The following APOLD1 variants were observed in gnomAD, a reference collection of about 807,000 sequenced individuals.
APOLD1 encodes the protein apolipoprotein L domain containing 1.
Under a neutral mutation model 15.3 loss-of-function variants are expected in APOLD1, and 22 were observed. The ratio of observed to expected loss-of-function variants is 1.44; its 90% CI spans 1.03 to 2.05. The LOEUF is 2.05. APOLD1 is among the 30% of genes most tolerant of loss of function. The pLI is 0.00. For synonymous variants in APOLD1, 190 were observed against 167.4 expected (o/e 1.13, Z -1.04); for missense variants, 394 against 353.5 (o/e 1.11, Z -0.92).
chr12:12,770,225 T>C (rs759855860), intron 1 of APOLD1, among the ~76,000 whole-genome samples: 19 of 152,166 alleles, frequency 1.2e-4, no homozygotes, highest in Admixed American at 3.9e-4. Context: ...ACAAGCATGG[T>C]GAAACCTCGT....
At chr12:12,776,417 A>G (rs927097467) in intron 1 of APOLD1, among the ~76,000 whole-genome samples, 2 of 152,224 alleles carry the variant, frequency 1.3e-5, no homozygotes, top group Non-Finnish European at 2.9e-5. Context: ...AGTATCCTGG[A>G]AGATAAGAGA....
chr12:12,786,988 G>C lies in APOLD1; in HGVS notation c.83G>C (p.Arg28Pro). Residue 28 changes from arginine (R) to proline (P), a missense_variant, in exon 2 of 2, where the codon CGA becomes CCA. Coordinates refer to ENST00000356591, the MANE Select transcript of APOLD1 (RefSeq NM_030817.3). ...RRFQGLLLDR[R>P]GRLHGQVLRL... is the part of the protein sequence containing the mutation. ...TTCCAGGGACTGCTGCTGGACCGCC[G>C]AGGCCGGCTGCACGGCCAGGTGCTG... The C allele has an allele frequency of 7.0e-7, 1 of 1,424,758 alleles. No individual in the cohort carries two copies. Among genetic ancestry groups the C allele is most frequent in the African/African-American group, 1.5e-5 (1 of 66,564 alleles). 88.3% of individuals were successfully genotyped at this position (1,424,758 alleles called of 1,614,324 possible). A position where few individuals can be genotyped will look rare whatever the true frequency, so the allele number is the denominator to read the frequency against.
intron 1 of APOLD1, among the ~76,000 whole-genome samples, chr12:12,777,889 G>GTTTTTTTTTTTT (rs71436735): frequency 1.1e-4 from 13 of 117,112 alleles, no homozygotes; most frequent in South Asian, 2.9e-4. Flanking sequence ...AAGGAAAGGT[G>GTTTTTTTTTTTT]TTTTTTTTTT....
At chr12:12,745,429 C>A (rs931513785) in intron 1 of APOLD1, among the ~76,000 whole-genome samples, 1 of 152,040 alleles carries the variant, frequency 6.6e-6, no homozygotes, top group Non-Finnish European at 1.5e-5. Flanking sequence ...ACTCTGGAGG[C>A]TGAGGCTGGA....
In APOLD1 at chr12:12,787,275, G is replaced by A. The variant is rs993386959; in HGVS notation, c.370G>A (p.Ala124Thr). 5 of 1,599,366 alleles carry A rather than the reference G, an allele frequency of 3.1e-6. No individual in the cohort carries two copies. Among genetic ancestry groups the A allele is most frequent in the Non-Finnish European group, 3.4e-6 (4 of 1,173,920 alleles). ...SRELRRVQEI[A>T]ATCQDQMREI... The stretch of plus-strand genomic sequence containing the variant: ...GGAGCTGCGGAGGGTGCAGGAGATC[G>A]CGGCCACCTGCCAGGACCAGATGCG... Residue 124 changes from alanine (A) to threonine (T), a missense_variant, in exon 2 of 2, where the codon GCG becomes ACG. By Grantham distance (58) the Ala-to-Thr change is moderately conservative. Coordinates refer to ENST00000356591, the MANE Select transcript of APOLD1 (RefSeq NM_030817.3). The surrounding 1 kb of genome is among the most constrained non-coding windows in gnomAD (Gnocchi z 4.9).
At chr12:12,763,558 A>G (rs1946919885) in intron 1 of APOLD1, among the ~76,000 whole-genome samples, 1 of 152,194 alleles carries the variant, frequency 6.6e-6, no homozygotes, top group African/African-American at 2.4e-5. Context: ...AATACAAATA[A>G]AAAGCAATGA....
upstream of APOLD1, among the ~76,000 whole-genome samples, chr12:12,782,153 G>A (rs2136398840): frequency 6.6e-6 from 1 of 152,210 alleles, no homozygotes; most frequent in East Asian, 1.9e-4. Context: ...CAGCTACTTG[G>A]GAGGCTGAGG....
chr12:12,761,830 T>TAGAGAGAGAGAGAGAGAG (rs6144616), intron 1 of APOLD1, among the ~76,000 whole-genome samples: 4,052 of 114,442 alleles, frequency 0.035, 231 homozygotes, highest in East Asian at 0.084. Context: ...TGTATATGTA[T>TAGAGAGAGAGAGAGAGAG]AGAGAGAGAG....
chr12:12,753,999 G>C (rs1317272480), intron 1 of APOLD1, among the ~76,000 whole-genome samples: 1 of 151,730 alleles, frequency 6.6e-6, no homozygotes, highest in African/African-American at 2.4e-5. Context: ...CGGATCACCT[G>C]AGGTCAGGAG....
At chr12:12,744,785 GTC>G (rs1186936705) in intron 1 of APOLD1, among the ~76,000 whole-genome samples, 2 of 152,138 alleles carry the variant, frequency 1.3e-5, no homozygotes, top group Non-Finnish European at 2.9e-5. Context: ...CTCAGTGTCT[GTC>G]TGGCTCCTGG....
chr12:12,780,138 A>G (rs1322756933), intron 1 of APOLD1, among the ~76,000 whole-genome samples: 1 of 152,196 alleles, frequency 6.6e-6, no homozygotes, highest in East Asian at 1.9e-4. Flanking sequence ...GTTAAATTCA[A>G]CAAGCAACTA....
At chr12:12,777,415 C>T (rs1034313254) in intron 1 of APOLD1, among the ~76,000 whole-genome samples, 1 of 152,174 alleles carries the variant, frequency 6.6e-6, no homozygotes, top group Non-Finnish European at 1.5e-5. Context: ...CTTTAGAACT[C>T]CATGGTCCTT....
chr12:12,774,216 A>C (rs1305259069), intron 1 of APOLD1, among the ~76,000 whole-genome samples: 3 of 152,186 alleles, frequency 2.0e-5, no homozygotes, highest in African/African-American at 7.2e-5. Context: ...GTTATCCAAA[A>C]TATACAAAGA....
In APOLD1 at chr12:12,768,421, C is replaced by A. The variant is rs993700352; in HGVS notation, c.97-18488C>A. 2.9e-4 allele frequency among the ~76,000 whole-genome samples: 44 copies of A among 152,004 alleles called. No homozygotes were observed. The Middle Eastern group carries it at 0.014, about 47-fold the overall frequency. On this transcript the variant is annotated intron_variant, in intron 1 of 1. Transcript: ENST00000326765. ...GCTGAGGCAGGAAGATCATTTGAGT[C>A]CAGGAGTTCGAGACCAGACTGGGAA...
At chr12:12,785,491 C>T (rs552617571), upstream of APOLD1, 17 of 724,174 alleles carry the variant, frequency 2.3e-5, no homozygotes, top group South Asian at 2.7e-4. Flanking sequence ...TTCCTAAATA[C>T]GGGATGTGCT....
chr12:12,726,012 G>T (rs1314779928), exon 1 of APOLD1: 10 of 1,519,992 alleles, frequency 6.6e-6, no homozygotes, highest in Non-Finnish European at 8.8e-6. Flanking sequence ...TGTTCCGCGC[G>T]CCGTGTCACC....
intron 1 of APOLD1, among the ~76,000 whole-genome samples, chr12:12,756,142 T>C (rs956471157): frequency 3.9e-5 from 6 of 152,172 alleles, no homozygotes; most frequent in African/African-American, 1.4e-4. Context: ...GGGTGAAGAA[T>C]CATATTGAAG....
Position 12,788,918 on chromosome 12 carries a change from G to C in APOLD1, c.*1266G>C, listed in dbSNP as rs988749308. 2 of 152,138 alleles carry C rather than the reference G, an allele frequency of 1.3e-5. No individual in the cohort carries two copies. The highest frequency in any genetic ancestry group is 1.5e-5 in the Non-Finnish European group (1 of 68,046). 9.4% of individuals were successfully genotyped at this position (152,138 alleles called of 1,614,324 possible). A position where few individuals can be genotyped will look rare whatever the true frequency, so the allele number is the denominator to read the frequency against. ...AGAGAGAGAGAGAGAGCACGCGTAC[G>C]TGCACCCTGGGGCAGTGTCTCACCG... On this transcript the variant is annotated 3_prime_UTR_variant, in exon 2 of 2. Transcript: ENST00000356591.
exon 1 of APOLD1, chr12:12,725,931 C>G: frequency 7.7e-7 from 1 of 1,293,332 alleles, no homozygotes; most frequent in Non-Finnish European, 1.0e-6. Context: ...TGCAGGCAGG[C>G]GGGGGTGCGC....
Sources: gnomAD v4.1 joint callset for allele counts (sites outside exome capture counted in the v4.1 genomes callset) on GRCh38, gnomAD v4.1.1 for gene constraint, Gnocchi (gnomAD v3.1) non-coding constraint, MANE v1.5 for transcripts, NCBI Gene and HGNC (gene_info 2026-07-23, HGNC 2026-07-21) for gene names.